Variants in GLIS3 observed in about 807,000 individuals in gnomAD.
GLIS3 encodes the protein zinc finger protein GLIS3.
Under a neutral mutation model 78.6 loss-of-function variants are expected in GLIS3, and 53 were observed. That is an observed-to-expected ratio of 0.67 (90% confidence interval 0.54 to 0.85). GLIS3 has a LOEUF of 0.85. GLIS3 is among the 40% of genes least tolerant of loss of function. The probability of loss-of-function intolerance (pLI) is 0.00; values close to 1 mark genes in which losing one functional copy is unlikely to be tolerated. For synonymous variants in GLIS3, 684 were observed against 509.9 expected (o/e 1.34, Z -4.60); for missense variants, 1,703 against 1,231.1 (o/e 1.38, Z -5.74).
intron 2 of GLIS3, among the ~76,000 whole-genome samples, chr9:4,261,105 G>T (rs1202779085): frequency 1.3e-5 from 2 of 152,170 alleles, no homozygotes; most frequent in Admixed American, 1.3e-4. Flanking sequence ...TAAATTTTAT[G>T]GCGTTCCAGA....
At chr9:4,175,400 C>T (rs59023164) in intron 2 of GLIS3, among the ~76,000 whole-genome samples, 21,421 of 152,134 alleles carry the variant, frequency 0.14, 1,634 homozygotes, top group African/African-American at 0.2. Context: ...TCCTTCTCCA[C>T]AGTTCTGGAA....
chr9:4,489,724 T>C, the GLIS3 span, among the ~76,000 whole-genome samples: 151,152 of 152,278 alleles, frequency 0.99, 75,028 homozygotes, highest in Middle Eastern at 1. Flanking sequence ...GGTTCTCAGT[T>C]CTAATCACTG....
chr9:4,409,432 T>G, the GLIS3 span, among the ~76,000 whole-genome samples: 20 of 152,190 alleles, frequency 1.3e-4, no homozygotes, highest in African/African-American at 4.8e-4. Context: ...TAAAATATTC[T>G]AACAATGATC....
chr9:4,108,740 A>T (rs574094639), intron 4 of GLIS3, among the ~76,000 whole-genome samples: 1 of 152,326 alleles, frequency 6.6e-6, no homozygotes, highest in South Asian at 2.1e-4. Flanking sequence ...CACAGAAAAG[A>T]TAACTGTCTG....
chr9:4,181,771 C>T (rs1817346223), intron 2 of GLIS3, among the ~76,000 whole-genome samples: 1 of 152,258 alleles, frequency 6.6e-6, no homozygotes, highest in South Asian at 2.1e-4. Flanking sequence ...GCTGGGAGTC[C>T]TGTGATCACT....
chr9:4,100,081 G>A (rs1437334718), intron 4 of GLIS3, among the ~76,000 whole-genome samples: 2 of 152,164 alleles, frequency 1.3e-5, no homozygotes, highest in African/African-American at 4.8e-5. Context: ...GTTTTGAAAC[G>A]TAAAATTGTG....
intron 2 of GLIS3, among the ~76,000 whole-genome samples, chr9:4,329,004 T>C (rs1048495845): frequency 6.6e-5 from 10 of 152,208 alleles, no homozygotes; most frequent in African/African-American, 2.4e-4. Flanking sequence ...ACAGCATTTG[T>C]TACAAAAGGC....
At chr9:4,202,995 C>T (rs1457050095) in intron 2 of GLIS3, among the ~76,000 whole-genome samples, 2 of 152,140 alleles carry the variant, frequency 1.3e-5, no homozygotes, top group African/African-American at 4.8e-5. Context: ...AACTAAAGAA[C>T]TTCTATACGG....
the GLIS3 span, among the ~76,000 whole-genome samples, chr9:4,379,131 G>A: frequency 6.6e-5 from 10 of 152,098 alleles, no homozygotes; most frequent in East Asian, 1.9e-4. Context: ...GTAGGAAGGC[G>A]GATATGTTGT....
At chr9:4,381,879 C>T in the GLIS3 span, among the ~76,000 whole-genome samples, 4 of 152,226 alleles carry the variant, frequency 2.6e-5, no homozygotes, top group African/African-American at 9.6e-5. Context: ...TGTGCCCCTT[C>T]AGTGACCCAA....
intron 2 of GLIS3, among the ~76,000 whole-genome samples, chr9:4,212,165 C>A (rs1820435559): frequency 6.6e-6 from 1 of 152,156 alleles, no homozygotes; most frequent in South Asian, 2.1e-4. Context: ...GTAAATTATA[C>A]CTCGATTTTT....
chr9:3,945,984 A>AG (rs113311424), intron 4 of GLIS3, among the ~76,000 whole-genome samples: 6,079 of 152,218 alleles, frequency 0.04, 384 homozygotes, highest in African/African-American at 0.13. Context: ...GCCAAGCTGC[A>AG]TTCCCTAATT....
rs908733189 is a variant in GLIS3 at position 3,907,707 on chromosome 9, G to T, written c.1984-8872C>A. Among the ~76,000 whole-genome samples the T allele has an allele frequency of 3.3e-5, 5 of 151,580 alleles. No individual in the cohort carries two copies. The South Asian group carries it at 8.3e-4, about 25-fold the overall frequency. On this transcript the variant is annotated intron_variant, in intron 6 of 10. Coordinates refer to ENST00000381971, the MANE Select transcript of GLIS3 (RefSeq NM_001042413.2). The stretch of plus-strand genomic sequence containing the variant: ...AGTGAGACAAATGCTGAGACGTTAT[G>T]TTCCAGAGCTCCCTGTGGGATTGGG...
intron 2 of GLIS3, among the ~76,000 whole-genome samples, chr9:4,135,838 C>G (rs688765): frequency 0.041 from 6,303 of 152,256 alleles, 139 homozygotes; most frequent in Admixed American, 0.069. Flanking sequence ...CAAATTCTCT[C>G]ACCTTTCATG....
chr9:4,309,078 G>A (rs1817298140), intron 3 of GLIS3: 1 of 152,200 alleles, frequency 6.6e-6, no homozygotes, highest in South Asian at 2.1e-4. Flanking sequence ...CATAATGTAT[G>A]ATAAAAGCAT....
intron 9 of GLIS3, among the ~76,000 whole-genome samples, chr9:3,837,189 A>G (rs189586712): frequency 0.036 from 5,417 of 152,288 alleles, 339 homozygotes; most frequent in African/African-American, 0.12. Flanking sequence ...CCTGCACCAC[A>G]TAAGGCCCTT....
intron 2 of GLIS3, among the ~76,000 whole-genome samples, chr9:4,193,378 G>A (rs987919242): frequency 6.6e-6 from 1 of 152,228 alleles, no homozygotes; most frequent in Admixed American, 6.5e-5. Context: ...GAAAGGCAGA[G>A]TTGGGTAGTT....
chr9:4,044,768 G>C (rs578164355), intron 4 of GLIS3, among the ~76,000 whole-genome samples: 1 of 152,266 alleles, frequency 6.6e-6, no homozygotes, highest in African/African-American at 2.4e-5. Flanking sequence ...TCTTTGAAAA[G>C]AAAAGCAAAA....
rs570002570 is a variant in GLIS3 at position 4,072,537 on chromosome 9, C to T, written c.1710+45231G>A. Among the ~76,000 whole-genome samples, 15 of 151,940 alleles carry T rather than the reference C, an allele frequency of 9.9e-5. 1 individual carries two copies. The East Asian group carries it at 2.1e-3, about 22-fold the overall frequency. ...GAGGTGGGTGTTTCTTTAAAACTTC[C>T]AGCAACATTTAAAAATAGTCATTAT... is the stretch of plus-strand genomic sequence containing the variant. On this transcript the variant is annotated intron_variant, in intron 4 of 10. Coordinates refer to ENST00000381971, the MANE Select transcript of GLIS3 (RefSeq NM_001042413.2).
Sources: gnomAD v4.1 joint callset for allele counts (sites outside exome capture counted in the v4.1 genomes callset) on GRCh38, gnomAD v4.1.1 for gene constraint, MANE v1.5 for transcripts, NCBI Gene and HGNC (gene_info 2026-07-23, HGNC 2026-07-21) for gene names.